Variants in CSMD1 observed in about 807,000 individuals in gnomAD.
CSMD1 encodes CUB and sushi domain-containing protein 1.
In CSMD1, 213 loss-of-function variants were observed where a neutral mutation model predicts 417.5. That is an observed-to-expected ratio of 0.51 (90% CI 0.46 to 0.57). The LOEUF (loss-of-function observed/expected upper bound fraction) is 0.57, where lower values mean the gene tolerates loss of function less well. Among genes scored for constraint, CSMD1 ranks in the 20% least tolerant of loss-of-function variants. The probability of loss-of-function intolerance (pLI) is 0.00; values close to 1 mark genes in which losing one functional copy is unlikely to be tolerated. For synonymous variants in CSMD1, 2,862 were observed against 1,736.8 expected, an observed-to-expected ratio of 1.65 and a Z score of -16.11; for missense variants, 6,923 against 4,529.7, an observed-to-expected ratio of 1.53 and a Z score of -15.17.
intron 3 of CSMD1, among the ~76,000 whole-genome samples, chr8:4,357,859 T>C (rs1801517514): frequency 6.6e-6 from 1 of 152,184 alleles, no homozygotes. Flanking sequence ...ACTTAAAATT[T>C]ATCATATTTT....
intron 7 of CSMD1, among the ~76,000 whole-genome samples, chr8:3,701,525 G>A (rs977890303): frequency 3.4e-5 from 5 of 147,134 alleles, no homozygotes; most frequent in African/African-American, 1.2e-4. Context: ...TTTTTTTTTA[G>A]CATATTGGAA....
At chr8:3,333,449 T>C (rs1807037053) in intron 23 of CSMD1, among the ~76,000 whole-genome samples, 1 of 152,232 alleles carries the variant, frequency 6.6e-6, no homozygotes, top group South Asian at 2.1e-4. Flanking sequence ...TTGGATATTT[T>C]CCCAACGTTT....
rs188914618 is a variant in CSMD1 at position 4,489,301 on chromosome 8, C to A, written c.303-69236G>T. ...GCTGCAGAAAGTTCTGGGAAAATGTCTCAAAGATTCAATGCATAAGGAAAA... is the reference window on the plus strand; with the variant it reads ...GCTGCAGAAAGTTCTGGGAAAATGTATCAAAGATTCAATGCATAAGGAAAA... On this transcript the variant is annotated intron_variant, in intron 2 of 69. Transcript: ENST00000635120. 5.3e-5 allele frequency among the ~76,000 whole-genome samples: 8 copies of A among 152,330 alleles called. 1 individual carries two copies. In the East Asian group the frequency reaches 1.5e-3, roughly 29 times the overall value.
At chr8:3,134,585 G>C (rs1817975664) in intron 41 of CSMD1, among the ~76,000 whole-genome samples, 1 of 152,218 alleles carries the variant, frequency 6.6e-6, no homozygotes, top group African/African-American at 2.4e-5. Flanking sequence ...TTTGCAACTT[G>C]TGGGAGAAAA....
chr8:3,300,380 T>A (rs1584955493), intron 25 of CSMD1, among the ~76,000 whole-genome samples: 1 of 152,098 alleles, frequency 6.6e-6, no homozygotes, highest in Admixed American at 6.6e-5. Context: ...TCTGCAGCAC[T>A]TTATTATTTT....
intron 1 of CSMD1, among the ~76,000 whole-genome samples, chr8:4,920,209 G>A (rs1337510843): frequency 6.6e-6 from 1 of 152,000 alleles, no homozygotes; most frequent in Non-Finnish European, 1.5e-5. Flanking sequence ...AACCAAACAG[G>A]ACAGGATCTT....
intron 23 of CSMD1, among the ~76,000 whole-genome samples, chr8:3,316,073 A>C (rs1805732298): frequency 6.6e-6 from 1 of 152,158 alleles, no homozygotes; most frequent in Admixed American, 6.6e-5. Context: ...TTTAAAACTC[A>C]GAGTGGGGGA....
At chr8:3,897,437 C>A (rs2129131320) in intron 5 of CSMD1, among the ~76,000 whole-genome samples, 1 of 152,200 alleles carries the variant, frequency 6.6e-6, no homozygotes, top group Admixed American at 6.5e-5. Flanking sequence ...ACTTTTAATT[C>A]AATTTATGAT....
chr8:4,680,975 T>TGTGTGTGTGTGA (rs767579851), intron 1 of CSMD1, among the ~76,000 whole-genome samples: 43 of 136,776 alleles, frequency 3.1e-4, no homozygotes, highest in African/African-American at 9.4e-4. Context: ...TGTGTGTGTG[T>TGTGTGTGTGTGA]GAGAGAGAGA....
At chr8:4,719,413 G>T (rs970873125) in intron 1 of CSMD1, among the ~76,000 whole-genome samples, 2 of 151,658 alleles carry the variant, frequency 1.3e-5, no homozygotes, top group African/African-American at 4.8e-5. Flanking sequence ...ATTCTCTGTT[G>T]CATTAAAAGC....
At chr8:4,093,965 A>AACAG (rs370927358) in intron 3 of CSMD1, among the ~76,000 whole-genome samples, 4 of 136,864 alleles carry the variant, frequency 2.9e-5, no homozygotes, top group East Asian at 5.2e-4. Flanking sequence ...CTACATCTCA[A>AACAG]ATAGATAGAT....
chr8:4,328,307 C>T (rs190777691), intron 3 of CSMD1, among the ~76,000 whole-genome samples: 75 of 149,144 alleles, frequency 5.0e-4, no homozygotes, highest in Non-Finnish European at 7.4e-4. Flanking sequence ...CACTTCCCCA[C>T]GACTCAGTTA....
chr8:3,284,541 G>A (rs1231738363), intron 25 of CSMD1, 195 bp from the exon 26 acceptor site: 7 of 584,202 alleles, frequency 1.2e-5, no homozygotes, highest in South Asian at 5.9e-5. Flanking sequence ...TTAGGATAAA[G>A]CACACAGGAC....
intron 6 of CSMD1, among the ~76,000 whole-genome samples, chr8:3,734,669 C>T (rs139549671): frequency 4.9e-4 from 74 of 152,280 alleles, no homozygotes; most frequent in African/African-American, 1.7e-3. Flanking sequence ...CAAAACTACG[C>T]CACTGCACTC....
At position 3,795,993 on chromosome 8, in the gene CSMD1, A is replaced by C. The variant is rs1238825839; in HGVS notation, c.819-41951T>G. 1.2e-4 allele frequency among the ~76,000 whole-genome samples: 8 copies of C among 68,072 alleles called. 3 individuals carry two copies. Among genetic ancestry groups the C allele is most frequent in the Non-Finnish European group, 2.7e-4 (8 of 30,136 alleles). 44.7% of individuals were successfully genotyped at this position (68,072 alleles called of 152,430 possible). ...ATCTATCATGTACAGATATAGATAT[A>C]TATCTATCATGTATATAGATATATA... On this transcript the variant is annotated intron_variant, in intron 5 of 69. Transcript: ENST00000635120.
intron 51 of CSMD1, among the ~76,000 whole-genome samples, chr8:3,024,777 T>G (rs76939909): frequency 0.02 from 2,988 of 152,286 alleles, 93 homozygotes; most frequent in African/African-American, 0.067. Context: ...TTGTCCCAAG[T>G]AAATAAAATC....
At chr8:4,485,518 A>G (rs756036176) in intron 2 of CSMD1, among the ~76,000 whole-genome samples, 2 of 152,180 alleles carry the variant, frequency 1.3e-5, no homozygotes, top group Non-Finnish European at 2.9e-5. Flanking sequence ...CTTACCATCA[A>G]TAGTCCCTTA....
intron 5 of CSMD1, among the ~76,000 whole-genome samples, chr8:3,971,021 G>C (rs540668071): frequency 5.6e-4 from 86 of 152,278 alleles, no homozygotes; most frequent in South Asian, 2.7e-3. Flanking sequence ...AAAGTACTGG[G>C]ATTTTAGGCA....
At chr8:3,787,200 T>C (rs1286139866) in intron 5 of CSMD1, among the ~76,000 whole-genome samples, 2 of 152,172 alleles carry the variant, frequency 1.3e-5, no homozygotes, top group Non-Finnish European at 2.9e-5. Flanking sequence ...GTCCAGAATT[T>C]TGTATTCCTA....
Sources: allele counts gnomAD v4.1 joint callset (sites outside exome capture counted in the v4.1 genomes callset), GRCh38; gene constraint gnomAD v4.1.1; transcripts MANE v1.5; gene names NCBI Gene and HGNC (gene_info 2026-07-23, HGNC 2026-07-21).